The following TUSC3 variants were observed in gnomAD, a reference collection of about 807,000 sequenced individuals.
TUSC3 encodes the protein tumor suppressor candidate 3.
In TUSC3, 45 loss-of-function variants were observed where a neutral mutation model predicts 44.8. The observed-to-expected ratio is 1.00, with a 90% CI of 0.79 to 1.29. TUSC3 has a LOEUF of 1.29. Among genes scored for constraint, TUSC3 ranks in the 50% most tolerant of loss-of-function variants. TUSC3 has a pLI of 0.00. For synonymous variants in TUSC3, 212 were observed against 152.9 expected (o/e 1.39, Z -2.85); for missense variants, 519 against 437.9 (o/e 1.19, Z -1.65).
chr8:15,443,782 C>T (rs914533875), intron 1 of TUSC3, among the ~76,000 whole-genome samples: 2 of 152,188 alleles, frequency 1.3e-5, no homozygotes, highest in African/African-American at 4.8e-5. Flanking sequence ...CCTCCCTAAG[C>T]TGCTCCAGGA....
intron 3 of TUSC3, among the ~76,000 whole-genome samples, chr8:15,655,103 G>A (rs937820432): frequency 6.6e-6 from 1 of 152,140 alleles, no homozygotes; most frequent in Non-Finnish European, 1.5e-5. Flanking sequence ...CTCACCCCAG[G>A]ATGTCAGGTG....
chr8:15,788,058 G>T, the TUSC3 span, among the ~76,000 whole-genome samples: 6 of 152,134 alleles, frequency 3.9e-5, no homozygotes, highest in African/African-American at 1.2e-4. Flanking sequence ...CCTGCCCCCT[G>T]TCCCTCTGTA....
intron 7 of TUSC3, among the ~76,000 whole-genome samples, chr8:15,742,125 C>T (rs2129213771): frequency 6.7e-6 from 1 of 148,248 alleles, no homozygotes; most frequent in East Asian, 2.0e-4. Context: ...CAGGCTACTG[C>T]CTACATGATT....
At position 15,529,788 on chromosome 8, in the gene TUSC3, G is replaced by GTTT. The variant is rs35344827; in HGVS notation, n.189+46323_189+46325dup. 2.1e-3 allele frequency among the ~76,000 whole-genome samples: 221 copies of GTTT among 106,896 alleles called. 5 individuals are homozygous for GTTT. Among genetic ancestry groups the GTTT allele is most frequent in the Middle Eastern group, 0.011 (2 of 174 alleles). The allele number at this position is 106,896 out of a possible 152,430, so 70.1% of individuals were successfully genotyped here. On this transcript the variant is annotated intron_variant and non_coding_transcript_variant, in intron 2 of 5. Transcript: ENST00000503191. ...ATATGTATAGTAATTCTGTGAAAAA[G>GTTT]TTTTTTTTTTTTTTTTTTTTGAGAC... is the stretch of plus-strand genomic sequence containing the variant.
chr8:15,795,096 G>A, the TUSC3 span, among the ~76,000 whole-genome samples: 1 of 152,112 alleles, frequency 6.6e-6, no homozygotes, highest in African/African-American at 2.4e-5. Flanking sequence ...ATTTAATTGA[G>A]GCTATTACCA....
rs189516886 is a variant in TUSC3 at position 15,644,210 on chromosome 8, T to G, written c.309-6487T>G. 8.9e-4 allele frequency among the ~76,000 whole-genome samples: 136 copies of G among 152,326 alleles called. 1 individual carries two copies. The highest frequency in any genetic ancestry group is 1.5e-3 in the Non-Finnish European group (104 of 68,032). ...CCCATAATAAAATATGGAGAAGATT[T>G]ACTATAACACATTTAACAGAACAGT... On this transcript the variant is annotated intron_variant, in intron 2 of 10. Transcript: ENST00000503731.
chr8:15,427,890 A>G (rs1249455901), intron 1 of TUSC3, among the ~76,000 whole-genome samples: 2 of 152,094 alleles, frequency 1.3e-5, no homozygotes, highest in Non-Finnish European at 2.9e-5. Flanking sequence ...CAAGTTTTCC[A>G]TTTAAGTCTT....
chr8:15,763,867 A>G (rs541051603), intron 10 of TUSC3, among the ~76,000 whole-genome samples: 3 of 152,224 alleles, frequency 2.0e-5, no homozygotes, highest in Admixed American at 1.3e-4. Flanking sequence ...CATTTGTTTC[A>G]GTCCATTCCC....
chr8:15,806,368 T>C, the TUSC3 span: 1 of 735,196 alleles, frequency 1.4e-6, no homozygotes, highest in Admixed American at 1.7e-5. Flanking sequence ...TCCAGGTACT[T>C]GCCCAACTCT....
intron 9 of TUSC3, among the ~76,000 whole-genome samples, chr8:15,749,975 A>G (rs1321438291): frequency 6.7e-6 from 1 of 148,608 alleles, no homozygotes; most frequent in Non-Finnish European, 1.5e-5. Context: ...AGTAAGTGAT[A>G]CTGTGAGATT....
chr8:15,769,470 A>T (rs931142565), downstream of TUSC3, among the ~76,000 whole-genome samples: 1 of 152,208 alleles, frequency 6.6e-6, no homozygotes, highest in African/African-American at 2.4e-5. Context: ...TAAAACCTTA[A>T]AAACCCTAGA....
At chr8:15,560,958 T>C (rs181829769) in intron 1 of TUSC3, among the ~76,000 whole-genome samples, 8,649 of 89,280 alleles carry the variant, frequency 0.097, 276 homozygotes, top group Middle Eastern at 0.14. Context: ...AATGTCCTCC[T>C]GTAGCTGAGA....
At chr8:15,602,148 A>G (rs1804314190) in intron 1 of TUSC3, among the ~76,000 whole-genome samples, 1 of 151,582 alleles carries the variant, frequency 6.6e-6, no homozygotes, top group African/African-American at 2.4e-5. Flanking sequence ...CCATCCTGAA[A>G]ACATTCCAAA....
intron 2 of TUSC3, among the ~76,000 whole-genome samples, chr8:15,634,538 C>G (rs1211089655): frequency 2.0e-5 from 3 of 152,168 alleles, no homozygotes; most frequent in Non-Finnish European, 4.4e-5. Flanking sequence ...TAAATTCCGT[C>G]TTAAGATTAA....
intron 7 of TUSC3, among the ~76,000 whole-genome samples, chr8:15,735,197 A>G (rs1810879612): frequency 6.6e-6 from 1 of 152,162 alleles, no homozygotes; most frequent in Non-Finnish European, 1.5e-5. Context: ...AGTCGCTGGC[A>G]GTCGTTCTGG....
At chr8:15,568,010 C>G (rs1026794369) in intron 1 of TUSC3, among the ~76,000 whole-genome samples, 1 of 152,032 alleles carries the variant, frequency 6.6e-6, no homozygotes, top group Admixed American at 6.6e-5. Context: ...TTTCTATGGC[C>G]ACATTGGTAG....
At chr8:15,803,533 A>G in the TUSC3 span, among the ~76,000 whole-genome samples, 1 of 152,188 alleles carries the variant, frequency 6.6e-6, no homozygotes, top group Non-Finnish European at 1.5e-5. Flanking sequence ...CAGTAGCATA[A>G]AAGGTTAAAT....
At chr8:15,592,521 T>A (rs2129150906) in intron 1 of TUSC3, among the ~76,000 whole-genome samples, 1 of 152,154 alleles carries the variant, frequency 6.6e-6, no homozygotes, top group Middle Eastern at 3.4e-3. Flanking sequence ...GCTGGTTGTT[T>A]AAAGGAGCCT....
chr8:15,752,929 A>G (rs1261701990), intron 9 of TUSC3, among the ~76,000 whole-genome samples: 10 of 152,064 alleles, frequency 6.6e-5, no homozygotes, highest in Admixed American at 4.6e-4. Flanking sequence ...GATTTTACTC[A>G]AGGAAAAACT....
Sources: allele counts gnomAD v4.1 joint callset (sites outside exome capture counted in the v4.1 genomes callset), GRCh38; gene constraint gnomAD v4.1.1; transcripts MANE v1.5; gene names NCBI Gene and HGNC (gene_info 2026-07-23, HGNC 2026-07-21).